Variants in NT5DC2 observed in about 807,000 individuals in gnomAD.
NT5DC2 encodes the protein 5'-nucleotidase domain containing 2.
Under a neutral mutation model 70.0 loss-of-function variants are expected in NT5DC2, and 41 were observed. The observed-to-expected ratio is 0.59, with a 90% CI of 0.46 to 0.76. The LOEUF (loss-of-function observed/expected upper bound fraction) is 0.76, where lower values mean the gene tolerates loss of function less well. Ranked by LOEUF, NT5DC2 falls within the 30% of genes least tolerant of loss-of-function variation. NT5DC2 has a pLI of 0.00. For synonymous variants in NT5DC2, 299 were observed against 310.4 expected (o/e 0.96, Z 0.39); for missense variants, 705 against 783.2 (o/e 0.90, Z 1.19).
At position 52,525,474 on chromosome 3, in the gene NT5DC2, G is replaced by A. The variant is rs148477925; in HGVS notation, c.1120-179C>T. 6.0e-4 allele frequency: 368 copies of A among 612,656 alleles called. 5 individuals carry two copies. The highest frequency in any genetic ancestry group is 4.4e-3 in the South Asian group (224 of 51,008). 38.0% of individuals were successfully genotyped at this position (612,656 alleles called of 1,614,324 possible). ...ACTTTCCCCTCCTACTTGGGAAGGG[G>A]ATTCTGCCTGCTGCAGGAAGGTGCC... On this transcript the variant is annotated intron_variant, in intron 10 of 13. Transcript: ENST00000422318.
At chr3:52,533,952 A>C (rs541612392), upstream of NT5DC2, 6 of 481,320 alleles carry the variant, frequency 1.2e-5, no homozygotes, top group South Asian at 2.7e-4. Flanking sequence ...CGGGGCGGGG[A>C]GGGCTCCCCA....
At chr3:52,533,442 C>T (rs949300655) in intron 1 of NT5DC2, 64 bp downstream of exon 1, 63 of 1,444,680 alleles carry the variant, frequency 4.4e-5, no homozygotes, top group Non-Finnish European at 5.6e-5. Context: ...CACCCTGGGG[C>T]TCGGTCCGTC....
At position 52,531,673 on chromosome 3, in the gene NT5DC2, T is replaced by A. The variant is rs1443487547; in HGVS notation, c.232+1833A>T. Among the ~76,000 whole-genome samples the A allele has an allele frequency of 1.5e-5, 1 of 66,144 alleles. No individual in the cohort carries two copies. Among genetic ancestry groups the A allele is most frequent in the Non-Finnish European group, 3.0e-5 (1 of 33,602 alleles). The allele number at this position is 66,144 out of a possible 152,430, so 43.4% of individuals were successfully genotyped here. ...TGTTCCCTTCCATAGGTGGTGTGGGTGGGGGGTGGGGGTGGGGCAGCTGAG... is the reference window on the plus strand; with the variant it reads ...TGTTCCCTTCCATAGGTGGTGTGGGAGGGGGGTGGGGGTGGGGCAGCTGAG... On this transcript the variant is annotated intron_variant, in intron 1 of 13. Coordinates refer to ENST00000422318, the MANE Select transcript of NT5DC2 (RefSeq NM_001134231.2). The surrounding 1 kb of genome is among the most constrained non-coding windows in gnomAD (Gnocchi z 4.1).
chr3:52,534,529 T>C (rs2079404172), upstream of NT5DC2: 2 of 1,601,510 alleles, frequency 1.2e-6, no homozygotes, highest in Middle Eastern at 1.7e-4. Context: ...CTGGCCGCAC[T>C]GACCCGTCAA....
chr3:52,534,574 G>A (rs1203145629), upstream of NT5DC2: 3 of 1,613,784 alleles, frequency 1.9e-6, no homozygotes, highest in South Asian at 1.1e-5. Flanking sequence ...CTCGTGAGAT[G>A]CTGTGGTCTT....
At chr3:52,527,427 C>T (rs768161905) in intron 9 of NT5DC2, 52 bp from the exon 10 acceptor site, 34 of 1,584,468 alleles carry the variant, frequency 2.1e-5, no homozygotes, top group South Asian at 5.6e-5. Context: ...GGCCACGGGC[C>T]GGGCAACCCC....
upstream of NT5DC2, chr3:52,534,730 T>A: frequency 6.5e-7 from 1 of 1,535,630 alleles, no homozygotes; most frequent in Admixed American, 1.8e-5. Context: ...GCCGACCCAG[T>A]AGCCGTGGGC....
rs1189718428 is a variant in NT5DC2 at position 52,527,874 on chromosome 3, T to C, written c.890A>G (p.His297Arg). 5.0e-6 allele frequency: 8 copies of C among 1,613,348 alleles called. No homozygotes were observed. The highest frequency in any genetic ancestry group is 2.2e-5 in the South Asian group (2 of 91,086). ...GGTGATGAGGAACAGCTGTTTCCCA[T>C]GGGCCACCAGGCGGCTCAGGACAGC... ...TFAVLSRLVA[H>R]GKQLFLITNS... Residue 297 changes from histidine to arginine, a missense_variant, in exon 8 of 14, where the codon CAT becomes CGT. Physicochemically the swap from His to Arg is conservative, Grantham distance 29. Coordinates refer to ENST00000422318, the MANE Select transcript of NT5DC2 (RefSeq NM_001134231.2).
At position 52,531,732 on chromosome 3, in the gene NT5DC2, C is replaced by A. The variant is rs748174331; in HGVS notation, c.232+1774G>T. Among the ~76,000 whole-genome samples, 9 of 151,828 alleles carry A rather than the reference C, an allele frequency of 5.9e-5. No individual in the cohort carries two copies. The highest frequency in any genetic ancestry group is 1.2e-4 in the Non-Finnish European group (8 of 67,938). On this transcript the variant is annotated intron_variant, in intron 1 of 13. Coordinates refer to ENST00000422318, the MANE Select transcript of NT5DC2 (RefSeq NM_001134231.2). The surrounding 1 kb of genome is among the most constrained non-coding windows in gnomAD (Gnocchi z 4.1). The stretch of plus-strand genomic sequence containing the variant: ...CCACTCAGCATGTCCAGCAATTGCC[C>A]TCCTTTCTCCTCAGCCCTAGCTCCC...
upstream of NT5DC2, chr3:52,534,497 C>T (rs1249333844): frequency 1.9e-6 from 3 of 1,612,408 alleles, no homozygotes; most frequent in East Asian, 2.2e-5. Flanking sequence ...TCACTGCGCC[C>T]GCTTGGTTCG....
At chr3:52,534,698 C>G, upstream of NT5DC2, 1 of 1,571,794 alleles carries the variant, frequency 6.4e-7, no homozygotes. Flanking sequence ...GCATACCAGG[C>G]TGTGCTCAGG....
chr3:52,527,512 T>G, intron 9 of NT5DC2, 105 bp downstream of exon 9: 1 of 1,464,942 alleles, frequency 6.8e-7, no homozygotes, highest in South Asian at 1.2e-5. Context: ...CCCAAGCACA[T>G]TGGGCAGTGG....
At chr3:52,527,989 G>A (rs751744449) in intron 7 of NT5DC2, 24 bp downstream of exon 7, 46 of 1,612,912 alleles carry the variant, frequency 2.9e-5, no homozygotes, top group Non-Finnish European at 3.5e-5. Flanking sequence ...GGCCGGCCAC[G>A]GCAGGGCTTC....
chr3:52,524,642 C>T lies in NT5DC2; in HGVS notation c.1502G>A (p.Arg501His). 3 of 1,613,062 alleles carry T rather than the reference C, an allele frequency of 1.9e-6. No individual in the cohort carries two copies. The highest frequency in any genetic ancestry group is 1.7e-6 in the Non-Finnish European group (2 of 1,180,032). Residue 501 changes from arginine (R) to histidine (H), a missense_variant, in exon 14 of 14, where the codon CGC (arginine) becomes CAC (histidine). Arg to His is a conservative substitution (Grantham distance 29). Transcript: ENST00000422318. ...GGAGGCCATGTAGAGGTCAGAGAAG[C>T]GCACGAGGCGCCTTGAGAAGTAGGT... ...NPTYFSRRLV[R>H]FSDLYMASLS... is the part of the protein sequence containing the mutation.
Position 52,525,036 on chromosome 3 carries a change from A to T in NT5DC2, c.1274T>A (p.Ile425Asn). The change falls in exon 12 of 14, where the codon ATC (isoleucine) becomes AAC (asparagine). Residue 425 changes from isoleucine to asparagine, a missense_variant. By Grantham distance (149) the Ile-to-Asn change is moderately radical. Transcript: ENST00000422318. ...IIPELEREIR[I>N]INTEQYMHSL... ...GTGCATGTACTGCTCCGTGTTGATG[A>T]TGCGGATCTCACGCTCCAGCTCGGG... 6.2e-7 allele frequency: 1 copy of T among 1,604,984 alleles called. No homozygotes were observed. Among genetic ancestry groups the T allele is most frequent in the Non-Finnish European group, 8.5e-7 (1 of 1,176,596 alleles).
Position 52,524,718 on chromosome 3 carries a change from C to T in NT5DC2, c.1426G>A (p.Ala476Thr). Residue 476 changes from alanine (A) to threonine (T), a missense_variant, in exon 14 of 14, where the codon GCC becomes ACC. Ala to Thr is a moderately conservative substitution (Grantham distance 58). Coordinates refer to ENST00000422318, the MANE Select transcript of NT5DC2 (RefSeq NM_001134231.2). The stretch of plus-strand genomic sequence containing the variant: ...CTGCCGAACTGCGCATTGAACAGGG[C>T]CTTGGTGATGCACCTGGCGAGGGAG... The part of the protein sequence containing the change: ...ERQELRCITK[A>T]LFNAQFGSIF... 6.2e-7 allele frequency: 1 copy of T among 1,612,706 alleles called. No homozygotes were observed. Among genetic ancestry groups the T allele is most frequent in the African/African-American group, 1.3e-5 (1 of 75,034 alleles).
chr3:52,527,742 C>T (rs1463968996), intron 8 of NT5DC2, 24 bp from the exon 9 acceptor site: 1 of 1,612,958 alleles, frequency 6.2e-7, no homozygotes, highest in Non-Finnish European at 8.5e-7. Context: ...TTTCAGGTGG[C>T]AAGTAGTCTG....
upstream of NT5DC2, chr3:52,534,707 G>A (rs555177361): frequency 2.8e-5 from 44 of 1,557,730 alleles, no homozygotes; most frequent in Non-Finnish European, 3.8e-5. Context: ...GCTGTGCTCA[G>A]GGTCCGGAGG....
At chr3:52,528,407 A>G (rs773274121) in intron 5 of NT5DC2, 39 bp downstream of exon 5, 17 of 1,613,054 alleles carry the variant, frequency 1.1e-5, no homozygotes, top group Non-Finnish European at 1.4e-5. Flanking sequence ...ACATGGGCAC[A>G]TGTCCATGGG....
Sources: gnomAD v4.1 joint callset for allele counts (sites outside exome capture counted in the v4.1 genomes callset) on GRCh38, gnomAD v4.1.1 for gene constraint, Gnocchi (gnomAD v3.1) non-coding constraint, MANE v1.5 for transcripts, NCBI Gene and HGNC (gene_info 2026-07-23, HGNC 2026-07-21) for gene names.